DHRS4L2: variants seen among roughly 807,000 people sequenced by gnomAD.
DHRS4L2 encodes the protein dehydrogenase/reductase SDR family member 4-like 2.
Under a neutral mutation model 23.9 loss-of-function variants are expected in DHRS4L2, and 22 were observed. That is an observed-to-expected ratio of 0.92 (90% confidence interval 0.66 to 1.31). The LOEUF (loss-of-function observed/expected upper bound fraction) is 1.31. DHRS4L2 is among the 40% of genes most tolerant of loss of function. DHRS4L2 has a pLI of 0.00. For synonymous variants in DHRS4L2, 141 were observed against 123.7 expected (o/e 1.14, Z -0.93); for missense variants, 385 against 303.3 (o/e 1.27, Z -2.00).
At chr14:23,975,078 T>C (rs1375840100) in intron 1 of DHRS4L2, among the ~76,000 whole-genome samples, 2 of 151,892 alleles carry the variant, frequency 1.3e-5, no homozygotes, top group South Asian at 4.2e-4. Flanking sequence ...TTGGAAGTTC[T>C]GGCCAGGGCA....
intron 3 of DHRS4L2, among the ~76,000 whole-genome samples, chr14:23,998,481 G>C (rs541330709): frequency 6.7e-6 from 1 of 150,286 alleles, no homozygotes; most frequent in Non-Finnish European, 1.5e-5. Flanking sequence ...GTTGTTTGCT[G>C]TAGCCACCTT....
chr14:23,990,469 A>G, intron 2 of DHRS4L2, 110 bp downstream of exon 2: 2 of 1,422,336 alleles, frequency 1.4e-6, no homozygotes, highest in Non-Finnish European at 1.9e-6. Context: ...GTGCCTTTCT[A>G]TTATGTCCAT....
chr14:23,993,553 A>G (rs1382482110), intron 2 of DHRS4L2, among the ~76,000 whole-genome samples: 1 of 151,656 alleles, frequency 6.6e-6, no homozygotes, highest in Non-Finnish European at 1.5e-5. Context: ...GGGCAAATGC[A>G]AAGTCTAGTT....
intron 2 of DHRS4L2, among the ~76,000 whole-genome samples, chr14:23,991,473 A>T (rs1474109668): frequency 1.3e-5 from 2 of 151,734 alleles, no homozygotes; most frequent in South Asian, 2.1e-4. Context: ...TAGAAAAACA[A>T]CCTGTGCCCC....
upstream of DHRS4L2, chr14:23,987,184 G>A (rs925052687): frequency 8.9e-6 from 3 of 336,056 alleles, no homozygotes; most frequent in Admixed American, 1.2e-4. Context: ...AGGTTGGAGT[G>A]CAGTGGCGTG....
At chr14:23,989,861 G>A (rs2034229401) in intron 1 of DHRS4L2, among the ~76,000 whole-genome samples, 1 of 151,756 alleles carries the variant, frequency 6.6e-6, no homozygotes, top group Non-Finnish European at 1.5e-5. Flanking sequence ...AATCACGGAA[G>A]TGGCTGCTGC....
chr14:24,001,898 C>G (rs1464129487), intron 6 of DHRS4L2, among the ~76,000 whole-genome samples: 1 of 90,784 alleles, frequency 1.1e-5, no homozygotes, highest in Non-Finnish European at 1.8e-5. Flanking sequence ...CCCCATCCCT[C>G]CTCTCAGTTA....
At chr14:23,983,186 G>A (rs2332149) in intron 1 of DHRS4L2, among the ~76,000 whole-genome samples, 1 of 151,210 alleles carries the variant, frequency 6.6e-6, no homozygotes, top group Non-Finnish European at 1.5e-5. Context: ...AATTTACAAG[G>A]AAAAACACAA....
chr14:23,988,775 G>GGGGCGGGGCGACTGGC, upstream of DHRS4L2: 1 of 1,402,080 alleles, frequency 7.1e-7, no homozygotes, highest in Non-Finnish European at 9.3e-7. Flanking sequence ...AGCTGGCTGC[G>GGGGCGGGGCGACTGGC]GGGCGGGGCG....
intron 2 of DHRS4L2, among the ~76,000 whole-genome samples, chr14:23,994,378 G>A (rs999060591): frequency 6.6e-6 from 1 of 151,606 alleles, no homozygotes; most frequent in Non-Finnish European, 1.5e-5. Context: ...GGAAGAATAG[G>A]AGGTGGGAAG....
chr14:24,004,517 A>G (rs1432333452), intron 7 of DHRS4L2, 125 bp downstream of exon 7: 15 of 1,207,084 alleles, frequency 1.2e-5, no homozygotes, highest in Non-Finnish European at 1.8e-5. Flanking sequence ...TGCCTCACAG[A>G]CCACGAATTC....
At chr14:23,995,285 G>C (rs942721930) in intron 3 of DHRS4L2, 152 bp downstream of exon 3, 3 of 897,460 alleles carry the variant, frequency 3.3e-6, no homozygotes, top group African/African-American at 3.3e-5. Context: ...GCAAAGGGCA[G>C]GTGGGGGTGG....
intron 3 of DHRS4L2, among the ~76,000 whole-genome samples, chr14:23,999,852 G>A (rs1283674317): frequency 5.5e-5 from 6 of 109,220 alleles, no homozygotes; most frequent in Middle Eastern, 3.7e-3. Flanking sequence ...ATGCCACCAC[G>A]TCTGGCTAAT....
rs566532894 is a variant in DHRS4L2, at chr14:23,992,636, A to T, written c.306+2277A>T. ...TCAGAACACAGAACAAACAGCTCCT[A>T]ACCGCTTTAGTGTAGTGATCACACA... On this transcript the variant is annotated intron_variant, in intron 2 of 7. Transcript: ENST00000335125. 7.9e-5 allele frequency among the ~76,000 whole-genome samples: 12 copies of T among 151,434 alleles called. No individual in the cohort carries two copies. In the East Asian group the frequency reaches 1.9e-3, roughly 24 times the overall value.
intron 3 of DHRS4L2, among the ~76,000 whole-genome samples, chr14:23,999,282 G>C (rs1487132542): frequency 7.1e-6 from 1 of 140,584 alleles, no homozygotes; most frequent in Non-Finnish European, 1.5e-5. Context: ...GAGACAAAGT[G>C]AGCACATGCA....
chr14:23,984,563 A>G (rs568887309), upstream of DHRS4L2, among the ~76,000 whole-genome samples: 1 of 151,514 alleles, frequency 6.6e-6, no homozygotes, highest in East Asian at 1.9e-4. Flanking sequence ...TTTGGAGGCC[A>G]AGGCAGGAAG....
At chr14:24,000,968 G>T (rs1435139295) in intron 4 of DHRS4L2, 35 bp downstream of exon 4, 1 of 1,611,302 alleles carries the variant, frequency 6.2e-7, no homozygotes, top group Admixed American at 1.7e-5. Context: ...GGTGAGAGGG[G>T]ACCCCACACA....
intron 2 of DHRS4L2, among the ~76,000 whole-genome samples, chr14:23,991,344 G>A (rs963635775): frequency 2.7e-4 from 41 of 151,710 alleles, no homozygotes; most frequent in Non-Finnish European, 4.9e-4. Flanking sequence ...GCTTAGACTG[G>A]TCGACAAAGC....
At position 23,976,635 on chromosome 14, in the gene DHRS4L2, C is replaced by G. The variant is rs566175379; in HGVS notation, c.-176+6303C>G. On this transcript the variant is annotated intron_variant, in intron 1 of 5. Coordinates refer to the DHRS4L2 transcript ENST00000534993. ...ACCCAAAGGATCATAAATCATTCTA[C>G]TATAAAGACACATACACACATATGT... is the stretch of plus-strand genomic sequence containing the variant. 3.9e-4 allele frequency among the ~76,000 whole-genome samples: 59 copies of G among 151,934 alleles called. 1 individual carries two copies. Among genetic ancestry groups the G allele is most frequent in the African/African-American group, 1.1e-3 (45 of 41,434 alleles).
Sources: gnomAD v4.1 joint callset for allele counts (sites outside exome capture counted in the v4.1 genomes callset) on GRCh38, gnomAD v4.1.1 for gene constraint, MANE v1.5 for transcripts, NCBI Gene and HGNC (gene_info 2026-07-23, HGNC 2026-07-21) for gene names.